Variants in DARS1 observed in about 807,000 individuals in gnomAD.
DARS1 encodes the protein aspartate--tRNA ligase, cytoplasmic.
DARS1 carries 51 observed loss-of-function variants against 68.8 expected under a neutral mutation model. The observed-to-expected ratio is 0.74, with a 90% CI of 0.59 to 0.94. The LOEUF is 0.94. Ranked by LOEUF, DARS1 falls within the 40% of genes least tolerant of loss-of-function variation. DARS1 has a pLI of 0.00. For synonymous variants in DARS1, 203 were observed against 190.4 expected (o/e 1.07, Z -0.55); for missense variants, 607 against 597.3 (o/e 1.02, Z -0.17).
chr2:135,948,534 C>A (rs1681775125), intron 4 of DARS1, among the ~76,000 whole-genome samples: 1 of 152,134 alleles, frequency 6.6e-6, no homozygotes, highest in African/African-American at 2.4e-5. Flanking sequence ...ATCAATGAGA[C>A]TTCTTCTGAG....
At chr2:135,936,100 G>C (rs144264511) in intron 5 of DARS1, among the ~76,000 whole-genome samples, 221 of 152,214 alleles carry the variant, frequency 1.5e-3, no homozygotes, top group African/African-American at 5.1e-3. Context: ...TCTGACCCCA[G>C]AGTCTTCACA....
At chr2:135,914,708 T>C in intron 11 of DARS1, 197 bp from the exon 12 acceptor site, 1 of 524,076 alleles carries the variant, frequency 1.9e-6, no homozygotes, top group Non-Finnish European at 3.5e-6. Context: ...AGTGACTCAG[T>C]GCTTAGTAGA....
At position 135,905,891 on chromosome 2, in the gene DARS1, C is replaced by T. The variant is rs1354670448; in HGVS notation, c.*1425G>A. ...AAGATTACATCATTCTAAGACTTTA[C>T]AAACTTTATTTTGAAACAAGCTATA... On this transcript the variant is annotated 3_prime_UTR_variant, in exon 16 of 16. Coordinates refer to ENST00000264161, the MANE Select transcript of DARS1 (RefSeq NM_001349.4). Among the ~76,000 whole-genome samples the T allele has an allele frequency of 2.0e-5, 3 of 152,092 alleles. No individual in the cohort carries two copies. Among genetic ancestry groups the T allele is most frequent in the Non-Finnish European group, 4.4e-5 (3 of 68,014 alleles).
At chr2:135,969,849 A>G (rs568573497) in intron 3 of DARS1, among the ~76,000 whole-genome samples, 1 of 152,284 alleles carries the variant, frequency 6.6e-6, no homozygotes, top group South Asian at 2.1e-4. Flanking sequence ...TATGGTCACA[A>G]TATTTTTGCC....
At chr2:135,967,508 A>G (rs1682263508) in intron 3 of DARS1, among the ~76,000 whole-genome samples, 3 of 152,208 alleles carry the variant, frequency 2.0e-5, no homozygotes, top group South Asian at 2.1e-4. Flanking sequence ...TAAGCATATC[A>G]TTAAGGTAAG....
chr2:135,948,466 T>C (rs1681773688), intron 4 of DARS1, among the ~76,000 whole-genome samples: 1 of 152,216 alleles, frequency 6.6e-6, no homozygotes, highest in South Asian at 2.1e-4. Flanking sequence ...AATCTTTGCA[T>C]ACTCAAGCCC....
intron 12 of DARS1, among the ~76,000 whole-genome samples, chr2:135,914,202 A>C (rs1410569626): frequency 6.6e-6 from 1 of 152,218 alleles, no homozygotes; most frequent in Non-Finnish European, 1.5e-5. Flanking sequence ...AACTAATCCG[A>C]CATAGGTATC....
At chr2:135,925,430 C>T (rs1011330227) in intron 7 of DARS1, among the ~76,000 whole-genome samples, 1 of 152,160 alleles carries the variant, frequency 6.6e-6, no homozygotes, top group Non-Finnish European at 1.5e-5. Flanking sequence ...ATTACTTCTC[C>T]CATATCAAAG....
chr2:135,962,875 C>A (rs1391978484), intron 3 of DARS1, among the ~76,000 whole-genome samples: 1 of 152,104 alleles, frequency 6.6e-6, no homozygotes. Context: ...ACCACAGCCA[C>A]GTTACCCCAC....
Position 135,907,116 on chromosome 2 carries a change from TA to T in DARS1, c.*199del. On this transcript the variant is annotated 3_prime_UTR_variant, in exon 16 of 16. Transcript: ENST00000264161. ...TAAAAATCTCTTTTAAACGAACCTA[TA>T]CTGAATTACTCCAAAAATAACAGTG... The T allele has an allele frequency of 2.4e-6, 1 of 418,650 alleles. No individual in the cohort carries two copies. Among genetic ancestry groups the T allele is most frequent in the Non-Finnish European group, 4.3e-6 (1 of 233,500 alleles). 25.9% of individuals were successfully genotyped at this position (418,650 alleles called of 1,614,324 possible). A position where few individuals can be genotyped will look rare whatever the true frequency, so the allele number is the denominator to read the frequency against.
chr2:135,929,565 T>C (rs1283218445), intron 7 of DARS1, among the ~76,000 whole-genome samples: 1 of 152,188 alleles, frequency 6.6e-6, no homozygotes. Context: ...GTACCTTCAG[T>C]GGTAAAGGTA....
chr2:135,958,337 C>CTCAAT (rs1682022061), intron 4 of DARS1, among the ~76,000 whole-genome samples: 2 of 152,244 alleles, frequency 1.3e-5, no homozygotes, highest in South Asian at 4.1e-4. Context: ...AACAAGTGAC[C>CTCAAT]TCAAAGATAA....
rs117847055 is a variant in DARS1, at chr2:135,921,655, A to G, written c.812-1055T>C. ...TGTCTTAGTCTTGGGAGCAGGCACA[A>G]TATTGATTCCCTTATCACTCAAAGC... On this transcript the variant is annotated intron_variant, in intron 9 of 15. Coordinates refer to ENST00000264161, the MANE Select transcript of DARS1 (RefSeq NM_001349.4). 7.2e-5 allele frequency among the ~76,000 whole-genome samples: 11 copies of G among 152,300 alleles called. No homozygotes were observed. In the East Asian group the frequency reaches 2.1e-3, roughly 29 times the overall value.
intron 12 of DARS1, among the ~76,000 whole-genome samples, chr2:135,913,635 G>A (rs1055007358): frequency 6.6e-6 from 1 of 151,906 alleles, no homozygotes; most frequent in African/African-American, 2.4e-5. Flanking sequence ...GTGGGCGCCT[G>A]TAATCCCAGC....
chr2:135,942,876 G>A (rs1290691609), intron 5 of DARS1, among the ~76,000 whole-genome samples: 2 of 152,094 alleles, frequency 1.3e-5, no homozygotes, highest in Non-Finnish European at 2.9e-5. Flanking sequence ...CAATCATGTT[G>A]CTTTTCCTCC....
chr2:135,933,822 C>A, intron 6 of DARS1, 88 bp downstream of exon 6: 5 of 1,396,146 alleles, frequency 3.6e-6, no homozygotes, highest in Non-Finnish European at 4.7e-6. Context: ...AAAATCAATT[C>A]ACAGACACCC....
chr2:135,953,233 G>T (rs1681882610), intron 4 of DARS1, among the ~76,000 whole-genome samples: 1 of 152,152 alleles, frequency 6.6e-6, no homozygotes, highest in African/African-American at 2.4e-5. Flanking sequence ...GCTGTTGATG[G>T]AGCAATTCTA....
chr2:135,927,694 CAG>C (rs1681254212), intron 7 of DARS1, among the ~76,000 whole-genome samples: 1 of 151,978 alleles, frequency 6.6e-6, no homozygotes, highest in Non-Finnish European at 1.5e-5. Context: ...ATAAACTAAA[CAG>C]AAAGCAGAAA....
Position 135,920,562 on chromosome 2 carries a change from T to C in DARS1, c.850A>G (p.Thr284Ala). ...AEDSNTHRHL[T>A]EFVGLDIEMA... is the part of the protein sequence containing the mutation. The stretch of plus-strand genomic sequence containing the variant: ...TCAATGTCCAAACCAACAAACTCAG[T>C]TAGATGTCTATGGGTATTAGAGTCT... Residue 284 changes from threonine (T) to alanine (A), a missense_variant, in exon 10 of 16, where the codon ACT becomes GCT. Thr to Ala is a moderately conservative substitution (Grantham distance 58). Transcript: ENST00000264161. The C allele has an allele frequency of 6.2e-7, 1 of 1,613,570 alleles. No homozygotes were observed. Among genetic ancestry groups the C allele is most frequent in the Non-Finnish European group, 8.5e-7 (1 of 1,179,786 alleles).
Sources: allele counts gnomAD v4.1 joint callset (sites outside exome capture counted in the v4.1 genomes callset), GRCh38; gene constraint gnomAD v4.1.1; transcripts MANE v1.5; gene names NCBI Gene and HGNC (gene_info 2026-07-23, HGNC 2026-07-21).